The following PRPF40B variants were observed in gnomAD, a reference collection of about 807,000 sequenced individuals.
PRPF40B encodes pre-mRNA processing factor 40B.
A neutral mutation model predicts 124.5 loss-of-function variants in PRPF40B; 56 were observed. The ratio of observed to expected loss-of-function variants is 0.45; its 90% confidence interval spans 0.36 to 0.56. The LOEUF (loss-of-function observed/expected upper bound fraction) is 0.56, where lower values mean the gene tolerates loss of function less well. Ranked by LOEUF, PRPF40B falls within the 20% of genes least tolerant of loss-of-function variation. PRPF40B has a pLI of 0.00. For synonymous variants in PRPF40B, 443 were observed against 426.4 expected (o/e 1.04, Z -0.48); for missense variants, 1,053 against 1,169.5 (o/e 0.90, Z 1.45).
At chr12:49,634,492 G>T (rs772408832) in intron 11 of PRPF40B, 37 bp downstream of exon 11, 1 of 1,614,172 alleles carries the variant, frequency 6.2e-7, no homozygotes, top group Non-Finnish European at 8.5e-7. Flanking sequence ...GTTTGGAGGG[G>T]GCTGGAGCGG....
chr12:49,632,108 C>T (rs545957313), intron 4 of PRPF40B, 183 bp downstream of exon 4: 2 of 662,946 alleles, frequency 3.0e-6, no homozygotes, highest in East Asian at 2.7e-5. Context: ...TAGTTTCCCA[C>T]TCATCCCCAA....
chr12:49,626,992 T>TA (rs1940777400), intron 1 of PRPF40B, among the ~76,000 whole-genome samples: 1 of 152,204 alleles, frequency 6.6e-6, no homozygotes, highest in South Asian at 2.1e-4. Context: ...AGACCTAACT[T>TA]ACCAGTGGCC....
intron 16 of PRPF40B, 187 bp from the exon 17 acceptor site, chr12:49,637,279 GTATT>G: frequency 1.7e-6 from 1 of 601,022 alleles, no homozygotes; most frequent in South Asian, 2.0e-5. Context: ...CCCTCTCTGT[GTATT>G]TACTTTCTCT....
At chr12:49,628,285 G>A (rs1940907245) in intron 1 of PRPF40B, among the ~76,000 whole-genome samples, 1 of 152,140 alleles carries the variant, frequency 6.6e-6, no homozygotes, top group African/African-American at 2.4e-5. Flanking sequence ...CTTTTTGAGA[G>A]TGTCTCACTC....
intron 18 of PRPF40B, 71 bp downstream of exon 18, chr12:49,637,895 A>T: frequency 1.6e-6 from 2 of 1,287,748 alleles, no homozygotes; most frequent in South Asian, 2.5e-5. Flanking sequence ...GGACTCCCTG[A>T]TAAGTCCTGT....
chr12:49,631,490 T>C lies in PRPF40B; in HGVS notation c.174T>C (p.Pro58=), dbSNP rs754716747. 6.6e-7 allele frequency: 1 copy of C among 1,506,340 alleles called. No individual in the cohort carries two copies. The allele number at this position is 1,506,340 out of a possible 1,614,324, so 93.3% of individuals were successfully genotyped here. A position where few individuals can be genotyped will look rare whatever the true frequency, so the allele number is the denominator to read the frequency against. The change falls in exon 3 of 26, where the codon CCT becomes CCC. Residue 58 remains proline, a synonymous_variant. Transcript: ENST00000548825. This position sits in a 1 kb window ranked among gnomAD's most constrained non-coding sequence, Gnocchi z 4.3. ...QRPPAIPPMP[P]GILPPMLPPM... ...CACCAGCTATCCCCCCCATGCCACCTGGCATCCTGCCCCCAATGCTTCCAC... is the reference window on the plus strand; with the variant it reads ...CACCAGCTATCCCCCCCATGCCACCCGGCATCCTGCCCCCAATGCTTCCAC...
In PRPF40B at chr12:49,629,001, C is replaced by T. The variant is rs545354756; in HGVS notation, c.4-1544C>T. 3.3e-5 allele frequency among the ~76,000 whole-genome samples: 5 copies of T among 152,366 alleles called. No individual in the cohort carries two copies. In the East Asian group the frequency reaches 7.7e-4, roughly 23 times the overall value. ...CTTTCCCCGGGATTCCTCCCTATCA[C>T]CCCCTAACTTTCAGGCAAAGAGGCA... On this transcript the variant is annotated intron_variant, in intron 1 of 25. Transcript: ENST00000548825.
chr12:49,629,614 C>T (rs2138423278), intron 1 of PRPF40B, among the ~76,000 whole-genome samples: 1 of 152,328 alleles, frequency 6.6e-6, no homozygotes, highest in East Asian at 1.9e-4. Context: ...GATATGATCC[C>T]TGTCTTCATG....
intron 1 of PRPF40B, among the ~76,000 whole-genome samples, chr12:49,629,194 T>G (rs1175922459): frequency 6.6e-6 from 1 of 152,258 alleles, no homozygotes; most frequent in Non-Finnish European, 1.5e-5. Context: ...ATTTCTTGTG[T>G]ATCATCTTTT....
rs1309025512 is a variant in PRPF40B, at chr12:49,635,086, C to T, written c.1002-13C>T. 3 of 1,607,178 alleles carry T rather than the reference C, an allele frequency of 1.9e-6. No homozygotes were observed. The highest frequency in any genetic ancestry group is 1.7e-5 in the Admixed American group (1 of 59,264). ...CTTCTCTATCCCCACCCCACTCCTA[C>T]CCTCTATCCCAGTGCCTTGCCTAAA... On this transcript the variant is annotated splice_polypyrimidine_tract_variant and intron_variant, in intron 12 of 25. Coordinates refer to ENST00000548825, the MANE Select transcript of PRPF40B (RefSeq NM_001031698.3). The surrounding 1 kb of genome is among the most constrained non-coding windows in gnomAD (Gnocchi z 4.1).
In PRPF40B at chr12:49,635,614, A is replaced by G; in HGVS notation, c.1275+141A>G. On this transcript the variant is annotated intron_variant, in intron 14 of 25. Coordinates refer to ENST00000548825, the MANE Select transcript of PRPF40B (RefSeq NM_001031698.3). The surrounding 1 kb of genome is among the most constrained non-coding windows in gnomAD (Gnocchi z 4.1). Reference sequence around the variant, plus strand: ...ACTTGGAAGCTGGTATGGGACTTGCACATCTCATTTCTGCTCTGGGCCTAT... The same window carrying G: ...ACTTGGAAGCTGGTATGGGACTTGCGCATCTCATTTCTGCTCTGGGCCTAT... 1 of 935,104 alleles carries G rather than the reference A, an allele frequency of 1.1e-6. No homozygotes were observed. The highest frequency in any genetic ancestry group is 1.6e-6 in the Non-Finnish European group (1 of 628,984). The allele number at this position is 935,104 out of a possible 1,614,324, so 57.9% of individuals were successfully genotyped here.
rs983685856 is a variant in PRPF40B at position 49,643,927 on chromosome 12, G to C, written c.2509G>C (p.Glu837Gln). The change falls in exon 25 of 26, where the codon GAA becomes CAA. Residue 837 changes from glutamate (E) to glutamine (Q), a missense_variant. Glu to Gln is a conservative substitution (Grantham distance 29). Coordinates refer to ENST00000548825, the MANE Select transcript of PRPF40B (RefSeq NM_001031698.3). Reference protein sequence around the residue: ...AGKESDEKEQEQDKDRELQQA... With the variant: ...AGKESDEKEQQQDKDRELQQA... ...CAAGGAGAGCGATGAGAAAGAACAA[G>C]AACAGGACAAGGACAGGGAGCTCCA... 2.5e-6 allele frequency: 4 copies of C among 1,614,086 alleles called. No individual in the cohort carries two copies. In the African/African-American group the frequency reaches 4.0e-5, roughly 16 times the overall value.
rs1394039477 is a variant in PRPF40B, at chr12:49,633,947, C to G, written c.667C>G (p.Pro223Ala). The change falls in exon 10 of 26, where the codon CCC becomes GCC. Residue 223 changes from proline (P) to alanine (A), a missense_variant. Pro to Ala is a conservative substitution (Grantham distance 27, BLOSUM62 -1). Transcript: ENST00000548825. ...ACAGCCACCTCAGCCACAGCCTGAC[C>G]CCCCACCTGTGCCTCCTGGCCCCAC... Reference protein sequence around the residue: ...QPQPPQPQPDPPPVPPGPTPV... With the variant: ...QPQPPQPQPDAPPVPPGPTPV... The G allele has an allele frequency of 2.5e-6, 4 of 1,614,098 alleles. No individual in the cohort carries two copies. Among genetic ancestry groups the G allele is most frequent in the Non-Finnish European group, 2.5e-6 (3 of 1,180,040 alleles).
At chr12:49,643,146 C>T in intron 22 of PRPF40B, 77 bp from the exon 23 acceptor site, 1 of 1,593,148 alleles carries the variant, frequency 6.3e-7, no homozygotes, top group Non-Finnish European at 8.6e-7. Flanking sequence ...GGTCCTCCTC[C>T]TCTCTCGAAT....
chr12:49,629,209 C>G (rs1260822754), intron 1 of PRPF40B, among the ~76,000 whole-genome samples: 1 of 152,226 alleles, frequency 6.6e-6, no homozygotes, highest in Non-Finnish European at 1.5e-5. Flanking sequence ...TCTTTTGTCT[C>G]TGACTTTTAT....
Position 49,631,656 on chromosome 12 carries a change from G to A in PRPF40B, c.228+112G>A. The A allele has an allele frequency of 7.2e-7, 1 of 1,394,180 alleles. No individual in the cohort carries two copies. The highest frequency in any genetic ancestry group is 9.9e-7 in the Non-Finnish European group (1 of 1,006,560). 86.4% of individuals were successfully genotyped at this position (1,394,180 alleles called of 1,614,324 possible). On this transcript the variant is annotated intron_variant, in intron 3 of 25. Transcript: ENST00000548825. This position sits in a 1 kb window ranked among gnomAD's most constrained non-coding sequence, Gnocchi z 4.3. The stretch of plus-strand genomic sequence containing the variant: ...AACTGGGGAAGGAAGGGAGCTTTGG[G>A]CCAAACCCATGTGGATTTGTCTGCT...
At chr12:49,639,565 GGAGTT>G (rs1186414431) in intron 18 of PRPF40B, 3 of 152,230 alleles carry the variant, frequency 2.0e-5, no homozygotes, top group African/African-American at 7.2e-5. Flanking sequence ...AGCAAGGGTT[GGAGTT>G]GAGTATGGGG....
At chr12:49,625,121 G>C (rs1361526058) in intron 1 of PRPF40B, among the ~76,000 whole-genome samples, 1 of 152,176 alleles carries the variant, frequency 6.6e-6, no homozygotes, top group Non-Finnish European at 1.5e-5. Context: ...GTCAGACCAA[G>C]CAGACCTTGG....
intron 15 of PRPF40B, chr12:49,636,458 G>T: frequency 2.0e-6 from 1 of 490,254 alleles, no homozygotes; most frequent in East Asian, 3.2e-5. Flanking sequence ...CAAGACAACC[G>T]GTTTCATGTT....
Sources: gnomAD v4.1 joint callset for allele counts (sites outside exome capture counted in the v4.1 genomes callset) on GRCh38, gnomAD v4.1.1 for gene constraint, Gnocchi (gnomAD v3.1) non-coding constraint, MANE v1.5 for transcripts, NCBI Gene and HGNC (gene_info 2026-07-23, HGNC 2026-07-21) for gene names.